DYM: variants seen among roughly 807,000 people sequenced by gnomAD.
DYM encodes the protein dyggve-Melchior-Clausen syndrome protein.
A neutral mutation model predicts 93.1 loss-of-function variants in DYM; 78 were observed. The observed-to-expected ratio is 0.84, with a 90% CI of 0.70 to 1.01. DYM has a LOEUF of 1.01. DYM is among the 50% of genes least tolerant of loss of function. DYM has a pLI of 0.00. For synonymous variants in DYM, 321 were observed against 319.7 expected (o/e 1.00, Z -0.04); for missense variants, 789 against 845.0 (o/e 0.93, Z 0.82).
chr18:49,328,835 G>T (rs2063104724), intron 8 of DYM, among the ~76,000 whole-genome samples: 1 of 152,084 alleles, frequency 6.6e-6, no homozygotes. Flanking sequence ...ACTGTTGGTG[G>T]GACTGTAAAC....
At chr18:49,451,017 A>G (rs1007342176) in intron 1 of DYM, among the ~76,000 whole-genome samples, 2 of 152,184 alleles carry the variant, frequency 1.3e-5, no homozygotes, top group African/African-American at 2.4e-5. Flanking sequence ...CACAAATATC[A>G]AGCAAAACAA....
rs748201011 is a variant in DYM at position 49,286,451 on chromosome 18, G to A, written c.929C>T (p.Ser310Phe). Reference sequence around the variant, plus strand: ...CCACAAACCTTGTGTGTTCTTGAAGGACATAATGGCTTGTCTGTAGGGGTT... The same window carrying A: ...CCACAAACCTTGTGTGTTCTTGAAGAACATAATGGCTTGTCTGTAGGGGTT... ...APNPYRQAIM[S>F]FKNTQDSSPF... is the part of the protein sequence containing the mutation. Residue 310 changes from serine (S) to phenylalanine (F), a missense_variant, in exon 9 of 18, where the codon TCC becomes TTC. This residue lies in a region of DYM where 450 missense variants were observed against 436.2 expected (regional missense o/e 1.03). Transcript: ENST00000675505. 3.7e-6 allele frequency: 6 copies of A among 1,613,972 alleles called. No individual in the cohort carries two copies. The African/African-American group carries it at 5.3e-5, about 14-fold the overall frequency.
intron 13 of DYM, among the ~76,000 whole-genome samples, chr18:49,243,010 GT>G (rs754583706): frequency 1.4e-3 from 214 of 152,214 alleles, no homozygotes; most frequent in Non-Finnish European, 2.5e-3. Flanking sequence ...TATACCTAGG[GT>G]TTCTAAAGGA....
intron 11 of DYM, among the ~76,000 whole-genome samples, chr18:49,264,965 T>C (rs1011544210): frequency 1.3e-5 from 2 of 152,208 alleles, no homozygotes; most frequent in African/African-American, 4.8e-5. Context: ...GACTGTGTCT[T>C]AAAATTCATT....
At chr18:49,085,329 T>C (rs983080779) in intron 17 of DYM, among the ~76,000 whole-genome samples, 6 of 152,230 alleles carry the variant, frequency 3.9e-5, no homozygotes, top group South Asian at 2.1e-4. Context: ...TTAAATCTAA[T>C]AGGGTAATTT....
intron 3 of DYM, chr18:49,390,849 A>C (rs1311636511): frequency 3.3e-5 from 5 of 152,654 alleles, no homozygotes; most frequent in African/African-American, 1.2e-4. Context: ...CACTTATTAC[A>C]TTCCTGTACC....
chr18:49,426,050 A>G (rs1298582089), intron 2 of DYM, among the ~76,000 whole-genome samples: 2 of 152,200 alleles, frequency 1.3e-5, no homozygotes, highest in African/African-American at 4.8e-5. Flanking sequence ...TACTGGGTAT[A>G]TACCCACAGG....
intron 1 of DYM, among the ~76,000 whole-genome samples, chr18:49,432,309 C>A (rs549474867): frequency 1.6e-5 from 2 of 127,288 alleles, no homozygotes; most frequent in South Asian, 2.3e-4. Context: ...CCAGCCTGGG[C>A]GACAAGAGCA....
intron 16 of DYM, among the ~76,000 whole-genome samples, chr18:49,105,091 G>A (rs2080643074): frequency 6.6e-6 from 1 of 152,202 alleles, no homozygotes; most frequent in Non-Finnish European, 1.5e-5. Context: ...TTCAGAGCCT[G>A]TTATTGGTCT....
chr18:49,297,196 A>T (rs1362544678), intron 8 of DYM, among the ~76,000 whole-genome samples: 2 of 152,376 alleles, frequency 1.3e-5, no homozygotes, highest in East Asian at 3.9e-4. Context: ...TTCAGACACT[A>T]GTGGTAGGAT....
chr18:49,104,794 C>T (rs921441177), intron 16 of DYM, among the ~76,000 whole-genome samples: 14 of 152,160 alleles, frequency 9.2e-5, no homozygotes, highest in African/African-American at 3.4e-4. Context: ...TTTTGATGTG[C>T]TGCTGGATTT....
intron 17 of DYM, among the ~76,000 whole-genome samples, chr18:49,077,113 A>G (rs1276738529): frequency 6.6e-6 from 1 of 152,110 alleles, no homozygotes; most frequent in Non-Finnish European, 1.5e-5. Context: ...CTGTTCCCCT[A>G]TTTTTTGCTT....
intron 2 of DYM, among the ~76,000 whole-genome samples, chr18:49,397,124 T>C (rs1004734873): frequency 6.6e-6 from 1 of 152,222 alleles, no homozygotes; most frequent in Non-Finnish European, 1.5e-5. Flanking sequence ...CCTGATTTAA[T>C]CATTACACAA....
chr18:49,209,736 G>C, intron 13 of DYM, 21 bp from the exon 14 acceptor site: 1 of 1,219,860 alleles, frequency 8.2e-7, no homozygotes, highest in Non-Finnish European at 1.1e-6. Context: ...AAGGTAAAAG[G>C]AGAGAAACAG....
chr18:49,068,621 T>C (rs1218058666), intron 17 of DYM, among the ~76,000 whole-genome samples: 4 of 152,182 alleles, frequency 2.6e-5, no homozygotes, highest in Non-Finnish European at 5.9e-5. Context: ...AAAAATGAAC[T>C]GGGTACCCTG....
Position 49,331,878 on chromosome 18 carries a change from G to T in DYM, c.749C>A (p.Ala250Glu). Residue 250 changes from alanine (A) to glutamate (E), a missense_variant, in exon 8 of 18, where the codon GCA becomes GAA. This residue lies in a region of DYM where 450 missense variants were observed against 436.2 expected (regional missense o/e 1.03). Coordinates refer to ENST00000675505, the MANE Select transcript of DYM (RefSeq NM_001353214.3). ...ATAAAACTTACTTGCTACTCCTGAT[G>T]CAAGTCCATAAAGCAGTCCTCCCCC... ...SDGGGLLYGL[A>E]SGVATGLWTV... 5 of 1,614,080 alleles carry T rather than the reference G, an allele frequency of 3.1e-6. No homozygotes were observed. The highest frequency in any genetic ancestry group is 1.1e-5 in the South Asian group (1 of 91,080).
chr18:49,355,184 A>T (rs2065435845), intron 6 of DYM, among the ~76,000 whole-genome samples: 1 of 152,052 alleles, frequency 6.6e-6, no homozygotes, highest in South Asian at 2.1e-4. Context: ...ACATTGATAC[A>T]TTGATAGATA....
At chr18:49,194,246 C>A (rs1244253698) in intron 14 of DYM, among the ~76,000 whole-genome samples, 3 of 152,180 alleles carry the variant, frequency 2.0e-5, no homozygotes, top group African/African-American at 7.2e-5. Flanking sequence ...GTATCCAATC[C>A]AAATCCTCCA....
chr18:49,172,544 G>C lies in DYM; in HGVS notation c.1626-8757C>G, dbSNP rs559765884. Among the ~76,000 whole-genome samples the C allele has an allele frequency of 5.9e-5, 9 of 152,264 alleles. No homozygotes were observed. The East Asian group carries it at 1.7e-3, about 29-fold the overall frequency. The stretch of plus-strand genomic sequence containing the variant: ...CAAATGAGTTTTCTAGTGCTCATAT[G>C]TTGTCTTTGGTGAAGTGTCTATTCA... On this transcript the variant is annotated intron_variant, in intron 14 of 17. Transcript: ENST00000675505.
Sources: gnomAD v4.1 joint callset for allele counts (sites outside exome capture counted in the v4.1 genomes callset) on GRCh38, gnomAD v4.1.1 for gene constraint, gnomAD v4.1.1 regional missense constraint, MANE v1.5 for transcripts, NCBI Gene and HGNC (gene_info 2026-07-23, HGNC 2026-07-21) for gene names.